The following MYRIP variants were observed in gnomAD, a reference collection of about 807,000 sequenced individuals.
MYRIP encodes myosin VIIA and Rab interacting protein.
MYRIP carries 49 observed loss-of-function variants against 98.0 expected under a neutral mutation model. The ratio of observed to expected loss-of-function variants is 0.50; its 90% confidence interval spans 0.40 to 0.63. MYRIP has a LOEUF of 0.63. MYRIP is among the 30% of genes least tolerant of loss of function. The probability of loss-of-function intolerance (pLI) is 0.00; values close to 1 mark genes in which losing one functional copy is unlikely to be tolerated. For missense variants in MYRIP, 1,004 were observed against 1,058.2 expected, an observed-to-expected ratio of 0.95 and a Z score of 0.71; for synonymous variants, 404 against 409.5, an observed-to-expected ratio of 0.99 and a Z score of 0.16.
At chr3:40,043,993 C>A (rs1029055657) in intron 2 of MYRIP, 57 bp from the exon 3 acceptor site, 9 of 1,539,950 alleles carry the variant, frequency 5.8e-6, no homozygotes, top group Admixed American at 3.6e-5. Context: ...GGAGACACCC[C>A]CTGACCTGAT....
intron 2 of MYRIP, among the ~76,000 whole-genome samples, chr3:39,977,413 T>C (rs963660342): frequency 2.6e-5 from 4 of 152,172 alleles, no homozygotes; most frequent in African/African-American, 7.2e-5. Flanking sequence ...GACGATGGAA[T>C]TGTTACCGCC....
At chr3:39,870,526 C>CTT (rs201793786) in intron 1 of MYRIP, among the ~76,000 whole-genome samples, 5 of 150,934 alleles carry the variant, frequency 3.3e-5, no homozygotes, top group African/African-American at 1.2e-4. Context: ...AGTCTTTTTT[C>CTT]TTTTTTTTTG....
At chr3:40,118,245 G>C (rs1057212029) in intron 3 of MYRIP, among the ~76,000 whole-genome samples, 2 of 152,176 alleles carry the variant, frequency 1.3e-5, no homozygotes, top group Non-Finnish European at 2.9e-5. Flanking sequence ...CTAATATGTT[G>C]CCACAAGACT....
intron 2 of MYRIP, among the ~76,000 whole-genome samples, chr3:39,939,927 G>A (rs1343634665): frequency 6.6e-6 from 1 of 151,534 alleles, no homozygotes; most frequent in Non-Finnish European, 1.5e-5. Context: ...ACATCAATGA[G>A]TATGTATGTA....
At chr3:40,070,006 A>G (rs1396475696) in intron 3 of MYRIP, among the ~76,000 whole-genome samples, 2 of 152,212 alleles carry the variant, frequency 1.3e-5, no homozygotes, top group Non-Finnish European at 2.9e-5. Context: ...GAAAAGATAC[A>G]TAGACATAAA....
chr3:40,221,552 G>A (rs529597011), intron 11 of MYRIP, among the ~76,000 whole-genome samples: 2 of 152,298 alleles, frequency 1.3e-5, no homozygotes, highest in Admixed American at 6.5e-5. Flanking sequence ...GATCACTTAA[G>A]CCCAGGAAAT....
At chr3:39,962,677 C>G (rs1166087732) in intron 2 of MYRIP, among the ~76,000 whole-genome samples, 1 of 152,054 alleles carries the variant, frequency 6.6e-6, no homozygotes, top group Non-Finnish European at 1.5e-5. Flanking sequence ...GTCCTCCCAC[C>G]CAGGGCTTTT....
intron 1 of MYRIP, among the ~76,000 whole-genome samples, chr3:39,899,579 A>G (rs9810309): frequency 0.061 from 9,281 of 152,202 alleles, 755 homozygotes; most frequent in African/African-American, 0.18. Flanking sequence ...TTATATCTGA[A>G]GCATATACCT....
intron 3 of MYRIP, among the ~76,000 whole-genome samples, chr3:40,100,776 G>A (rs1329881149): frequency 2.0e-5 from 3 of 152,136 alleles, no homozygotes; most frequent in Non-Finnish European, 4.4e-5. Flanking sequence ...GAATGTTCTA[G>A]GAAATTTCAT....
intron 1 of MYRIP, among the ~76,000 whole-genome samples, chr3:39,875,651 T>C (rs1178202048): frequency 4.0e-5 from 6 of 151,464 alleles, no homozygotes; most frequent in African/African-American, 1.5e-4. Flanking sequence ...TTGAGCAGTT[T>C]TGAGTGAGTT....
intron 3 of MYRIP, among the ~76,000 whole-genome samples, chr3:40,076,598 G>A (rs1948347161): frequency 1.3e-5 from 2 of 152,210 alleles, no homozygotes; most frequent in African/African-American, 2.4e-5. Flanking sequence ...GGGGAGGAGA[G>A]CATGGAGGAG....
chr3:40,253,965 C>T (rs1370435490), intron 16 of MYRIP, among the ~76,000 whole-genome samples: 1 of 152,092 alleles, frequency 6.6e-6, no homozygotes, highest in African/African-American at 2.4e-5. Context: ...GTTTTCAGTC[C>T]ATATTCACTC....
chr3:40,156,082 A>C (rs1043626177), intron 4 of MYRIP, among the ~76,000 whole-genome samples: 1 of 151,888 alleles, frequency 6.6e-6, no homozygotes, highest in Admixed American at 6.6e-5. Flanking sequence ...CTATGTCCTG[A>C]ATGGTATTGC....
intron 3 of MYRIP, among the ~76,000 whole-genome samples, chr3:40,122,033 GA>G (rs1192589873): frequency 6.6e-6 from 1 of 152,052 alleles, no homozygotes; most frequent in Non-Finnish European, 1.5e-5. Context: ...TATTTATAGT[GA>G]AACCAGAATT....
intron 2 of MYRIP, among the ~76,000 whole-genome samples, chr3:39,965,269 T>G (rs186267093): frequency 6.6e-6 from 1 of 152,264 alleles, no homozygotes; most frequent in East Asian, 1.9e-4. Flanking sequence ...TGATTTTATA[T>G]ACATTCCTTA....
rs568768620 is a variant in MYRIP at position 40,116,697 on chromosome 3, A to G, written c.333-34351A>G. 6.2e-4 allele frequency among the ~76,000 whole-genome samples: 95 copies of G among 152,310 alleles called. No individual in the cohort carries two copies. In the Middle Eastern group the frequency reaches 0.01, roughly 16 times the overall value. ...CTTTGTTTTTGACAGGCTGTTAAGG[A>G]TATGCACAGGGCTAGAAAACTGAAT... On this transcript the variant is annotated intron_variant, in intron 3 of 16. Coordinates refer to ENST00000302541, the MANE Select transcript of MYRIP (RefSeq NM_015460.4).
chr3:40,197,364 A>G (rs1404814467), intron 10 of MYRIP, among the ~76,000 whole-genome samples: 4 of 152,140 alleles, frequency 2.6e-5, no homozygotes, highest in African/African-American at 9.7e-5. Context: ...GACCAGTACC[A>G]GTCCATGGCC....
At chr3:40,193,005 G>A (rs1291083156) in intron 10 of MYRIP, among the ~76,000 whole-genome samples, 1 of 152,178 alleles carries the variant, frequency 6.6e-6, no homozygotes, top group African/African-American at 2.4e-5. Flanking sequence ...GCATCTCTGG[G>A]ATCCAACCAG....
intron 3 of MYRIP, among the ~76,000 whole-genome samples, chr3:40,071,517 C>A (rs1379613035): frequency 6.6e-6 from 1 of 152,076 alleles, no homozygotes; most frequent in Non-Finnish European, 1.5e-5. Flanking sequence ...TGTGACGATT[C>A]AGTAGAAAGG....
Sources: gnomAD v4.1 joint callset for allele counts (sites outside exome capture counted in the v4.1 genomes callset) on GRCh38, gnomAD v4.1.1 for gene constraint, MANE v1.5 for transcripts, NCBI Gene and HGNC (gene_info 2026-07-23, HGNC 2026-07-21) for gene names.